CASD1: variants seen among roughly 807,000 people sequenced by gnomAD.
CASD1 encodes N-acetylneuraminate (7)9-O-acetyltransferase.
A neutral mutation model predicts 100.0 loss-of-function variants in CASD1; 41 were observed. The ratio of observed to expected loss-of-function variants is 0.41; its 90% confidence interval spans 0.32 to 0.53. The LOEUF is 0.53. Ranked by LOEUF, CASD1 falls within the 20% of genes least tolerant of loss-of-function variation. CASD1 has a pLI of 0.25. For synonymous variants in CASD1, 321 were observed against 315.6 expected, an observed-to-expected ratio of 1.02 and a Z score of -0.18; for missense variants, 774 against 948.7, an observed-to-expected ratio of 0.82 and a Z score of 2.42.
At chr7:94,550,830 A>G (rs1177807513) in intron 14 of CASD1, among the ~76,000 whole-genome samples, 3 of 152,108 alleles carry the variant, frequency 2.0e-5, no homozygotes, top group African/African-American at 7.2e-5. Flanking sequence ...TATTGCAATG[A>G]TAGTTCACAT....
the CASD1 span, among the ~76,000 whole-genome samples, chr7:94,611,498 G>A: frequency 6.6e-6 from 1 of 151,748 alleles, no homozygotes; most frequent in Admixed American, 6.6e-5. Flanking sequence ...GGTGGGGGTG[G>A]GGGTGACTTC....
the CASD1 span, among the ~76,000 whole-genome samples, chr7:94,578,635 G>A: frequency 2.0e-5 from 3 of 152,294 alleles, no homozygotes; most frequent in South Asian, 6.2e-4. Context: ...CCTGACCTGA[G>A]AGATGCAGTG....
chr7:94,615,294 G>A, the CASD1 span, among the ~76,000 whole-genome samples: 1 of 152,068 alleles, frequency 6.6e-6, no homozygotes, highest in Non-Finnish European at 1.5e-5. Context: ...AGGAGGCAGA[G>A]GTTGCTGTGA....
chr7:94,554,672 A>G (rs111268284), intron 17 of CASD1, 97 bp downstream of exon 17: 2 of 689,848 alleles, frequency 2.9e-6, no homozygotes, highest in South Asian at 4.8e-5. Context: ...ATATGTGAGT[A>G]TGAAAATCGG....
Position 94,537,643 on chromosome 7 carries a change from C to G in CASD1, c.1015C>G (p.Arg339Gly). 1 of 1,613,664 alleles carries G rather than the reference C, an allele frequency of 6.2e-7. No homozygotes were observed. The highest frequency in any genetic ancestry group is 8.5e-7 in the Non-Finnish European group (1 of 1,179,840). The stretch of plus-strand genomic sequence containing the variant: ...TTACATAATTCATCGTAATGCTCAT[C>G]GGAAGAATAAGCCGTGTACTGATTT... ...IFYIIHRNAH[R>G]KNKPCTDLES... The change falls in exon 9 of 18, where the codon CGG (arginine) becomes GGG (glycine). Residue 339 changes from arginine to glycine, a missense_variant. By Grantham distance (125) the Arg-to-Gly change is moderately radical. Transcript: ENST00000297273.
intron 10 of CASD1, among the ~76,000 whole-genome samples, chr7:94,540,476 A>G (rs939141333): frequency 6.6e-6 from 1 of 152,176 alleles, no homozygotes; most frequent in South Asian, 2.1e-4. Flanking sequence ...AAAATTATTT[A>G]TGATTTTATG....
chr7:94,560,974 A>G (rs776503970), downstream of CASD1, among the ~76,000 whole-genome samples: 1 of 152,224 alleles, frequency 6.6e-6, no homozygotes, highest in African/African-American at 2.4e-5. Context: ...GCCCAAAAAC[A>G]TAATAGAAAA....
intron 15 of CASD1, 88 bp from the exon 16 acceptor site, chr7:94,552,262 A>T (rs1795986276): frequency 2.3e-6 from 2 of 863,094 alleles, no homozygotes; most frequent in Admixed American, 4.7e-5. Context: ...AATGTTATAA[A>T]TAAAGAACTG....
intron 1 of CASD1, among the ~76,000 whole-genome samples, chr7:94,516,448 C>G (rs747189817): frequency 2.6e-5 from 4 of 152,144 alleles, no homozygotes; most frequent in Non-Finnish European, 4.4e-5. Flanking sequence ...TATCTCTACC[C>G]TGAAATGCTC....
Position 94,537,828 on chromosome 7 carries a change from A to T in CASD1, c.1200A>T (p.Ser400=), listed in dbSNP as rs1485855179. The T allele has an allele frequency of 6.3e-7, 1 of 1,587,858 alleles. No individual in the cohort carries two copies. Among genetic ancestry groups the T allele is most frequent in the African/African-American group, 1.3e-5 (1 of 74,348 alleles). Residue 400 remains serine, a synonymous_variant, in exon 9 of 18, where the codon TCA becomes TCT. Coordinates refer to ENST00000297273, the MANE Select transcript of CASD1 (RefSeq NM_022900.5). ...FMKENKFYTH[S]SFFIPIIYIL... ...AGGAAAACAAATTTTATACACATTC[A>T]TCTTTCTTTATTCCAATTATCTACA...
At chr7:94,544,027 TG>T (rs1795551120) in intron 10 of CASD1, among the ~76,000 whole-genome samples, 1 of 152,220 alleles carries the variant, frequency 6.6e-6, no homozygotes, top group Non-Finnish European at 1.5e-5. Context: ...GCATTCAGGA[TG>T]TATGACAGTT....
At chr7:94,571,829 G>C in the CASD1 span, among the ~76,000 whole-genome samples, 1 of 151,220 alleles carries the variant, frequency 6.6e-6, no homozygotes, top group Admixed American at 6.6e-5. Context: ...GGCACAAAAA[G>C]ATGGTCAAGT....
chr7:94,534,380 A>G (rs1218998413), intron 7 of CASD1, among the ~76,000 whole-genome samples: 2 of 152,174 alleles, frequency 1.3e-5, no homozygotes, highest in African/African-American at 4.8e-5. Flanking sequence ...GTTTCATAAC[A>G]TTAAAGTCAT....
At chr7:94,574,878 GA>G in the CASD1 span, among the ~76,000 whole-genome samples, 1 of 152,088 alleles carries the variant, frequency 6.6e-6, no homozygotes, top group Non-Finnish European at 1.5e-5. Flanking sequence ...GCTGAGGCAG[GA>G]GAATGGCATG....
At chr7:94,521,977 G>A (rs575039189) in intron 3 of CASD1, among the ~76,000 whole-genome samples, 31 of 152,238 alleles carry the variant, frequency 2.0e-4, no homozygotes, top group South Asian at 4.2e-4. Context: ...CCCAGCTATC[G>A]GGAGGCTGAG....
At chr7:94,546,321 C>A (rs1408320840) in intron 12 of CASD1, among the ~76,000 whole-genome samples, 3 of 151,968 alleles carry the variant, frequency 2.0e-5, no homozygotes, top group African/African-American at 7.2e-5. Flanking sequence ...AGGCCACAGT[C>A]ACTTATCTTA....
the CASD1 span, among the ~76,000 whole-genome samples, chr7:94,601,798 A>G: frequency 6.6e-6 from 1 of 152,084 alleles, no homozygotes; most frequent in Admixed American, 6.6e-5. Context: ...TTTGTCCTGC[A>G]CATTGGCGGC....
At chr7:94,571,895 A>G in the CASD1 span, among the ~76,000 whole-genome samples, 10 of 151,838 alleles carry the variant, frequency 6.6e-5, no homozygotes, top group Admixed American at 5.2e-4. Flanking sequence ...TGGTCAGAAG[A>G]TGAAGTTGTA....
chr7:94,604,348 C>A, the CASD1 span, among the ~76,000 whole-genome samples: 1 of 151,966 alleles, frequency 6.6e-6, no homozygotes, highest in Admixed American at 6.6e-5. Flanking sequence ...TAGCTGCCTT[C>A]TTTGCAGAAG....
Sources: allele counts gnomAD v4.1 joint callset (sites outside exome capture counted in the v4.1 genomes callset), GRCh38; gene constraint gnomAD v4.1.1; transcripts MANE v1.5; gene names NCBI Gene and HGNC (gene_info 2026-07-23, HGNC 2026-07-21).